Variants in TRPC4 observed in about 807,000 individuals in gnomAD.
TRPC4 encodes transient receptor potential cation channel subfamily C member 4.
Under a neutral mutation model 99.4 loss-of-function variants are expected in TRPC4, and 49 were observed. The observed-to-expected ratio is 0.49, with a 90% CI of 0.39 to 0.63. The LOEUF (loss-of-function observed/expected upper bound fraction) is 0.63. Ranked by LOEUF, TRPC4 falls within the 20% of genes least tolerant of loss-of-function variation. TRPC4 has a pLI of 0.00. For missense variants in TRPC4, 898 were observed against 1,152.9 expected, an observed-to-expected ratio of 0.78 and a Z score of 3.20; for synonymous variants, 454 against 425.9, an observed-to-expected ratio of 1.07 and a Z score of -0.81.
At chr13:37,684,082 A>G (rs1245623682) in intron 4 of TRPC4, among the ~76,000 whole-genome samples, 3 of 152,180 alleles carry the variant, frequency 2.0e-5, no homozygotes, top group African/African-American at 7.2e-5. Flanking sequence ...ATGATTATGA[A>G]ATTTGACTTC....
chr13:37,826,859 G>A (rs1958236980), intron 1 of TRPC4, among the ~76,000 whole-genome samples: 1 of 152,242 alleles, frequency 6.6e-6, no homozygotes, highest in South Asian at 2.1e-4. Flanking sequence ...ATAATATCTT[G>A]CAGAGTGTTT....
At chr13:37,782,454 A>C (rs1956865237) in intron 2 of TRPC4, among the ~76,000 whole-genome samples, 1 of 152,122 alleles carries the variant, frequency 6.6e-6, no homozygotes, top group African/African-American at 2.4e-5. Flanking sequence ...AAAAGAATCT[A>C]CTAGAGTTTG....
chr13:37,796,091 G>A (rs559460981), intron 1 of TRPC4, among the ~76,000 whole-genome samples: 30 of 152,280 alleles, frequency 2.0e-4, no homozygotes, highest in African/African-American at 6.5e-4. Flanking sequence ...AGGAGCAAGA[G>A]TTCTAGCAGA....
At chr13:37,808,679 A>G (rs995973010) in intron 1 of TRPC4, among the ~76,000 whole-genome samples, 3 of 152,042 alleles carry the variant, frequency 2.0e-5, no homozygotes, top group Non-Finnish European at 2.9e-5. Flanking sequence ...CAAGTAAGGG[A>G]AATACAAAGG....
At chr13:37,829,455 A>G (rs972699889) in intron 1 of TRPC4, among the ~76,000 whole-genome samples, 3 of 152,204 alleles carry the variant, frequency 2.0e-5, no homozygotes, top group African/African-American at 7.2e-5. Flanking sequence ...AAACAAAAAC[A>G]AAAAGAAAAC....
intron 4 of TRPC4, among the ~76,000 whole-genome samples, chr13:37,681,160 G>A (rs996774395): frequency 6.6e-6 from 1 of 152,116 alleles, no homozygotes; most frequent in African/African-American, 2.4e-5. Context: ...GTTCTCGTCC[G>A]ATGGGTTAAA....
intron 3 of TRPC4, among the ~76,000 whole-genome samples, chr13:37,726,796 A>T (rs1043974435): frequency 6.6e-6 from 1 of 152,180 alleles, no homozygotes; most frequent in African/African-American, 2.4e-5. Flanking sequence ...AAAGGGAGAA[A>T]GAGTGGCAAT....
chr13:37,639,098 A>G lies in TRPC4; in HGVS notation c.2153T>C (p.Val718Ala), dbSNP rs1349686802. 1 of 1,613,680 alleles carries G rather than the reference A, an allele frequency of 6.2e-7. No individual in the cohort carries two copies. The highest frequency in any genetic ancestry group is 8.5e-7 in the Non-Finnish European group (1 of 1,179,654). The change falls in exon 10 of 11, where the codon GTT (valine) becomes GCT (alanine). Residue 718 changes from valine (V) to alanine (A), a missense_variant. This residue lies in a region of TRPC4 where 346 missense variants were observed against 351.4 expected (regional missense o/e 0.98). Transcript: ENST00000379705. ...EVMRNLVKRY[V>A]AAMIRDAKTE... ...TTTAGCATCTCTAATCATTGCAGCA[A>G]CGTATCGCTTCACCAGGTTCCTCAT...
At chr13:37,857,522 T>C (rs546322944) in intron 1 of TRPC4, among the ~76,000 whole-genome samples, 2 of 151,668 alleles carry the variant, frequency 1.3e-5, no homozygotes, top group Non-Finnish European at 3.0e-5. Flanking sequence ...AATTATACTA[T>C]AATGCTATAG....
chr13:37,859,812 G>A (rs1959215760), intron 1 of TRPC4, among the ~76,000 whole-genome samples: 2 of 151,238 alleles, frequency 1.3e-5, no homozygotes, highest in Admixed American at 6.6e-5. Context: ...TGATATCTGT[G>A]ATTATAAAAA....
intron 3 of TRPC4, among the ~76,000 whole-genome samples, chr13:37,744,702 A>G (rs1757017515): frequency 1.3e-5 from 2 of 152,194 alleles, no homozygotes; most frequent in Admixed American, 1.3e-4. Context: ...TTTACAATTC[A>G]GAAGTCTTTC....
intron 2 of TRPC4, among the ~76,000 whole-genome samples, chr13:37,779,609 T>G (rs66498952): frequency 0.066 from 10,039 of 151,978 alleles, 396 homozygotes; most frequent in Non-Finnish European, 0.091. Context: ...ATGTATAAGG[T>G]CAAAAAGAAA....
At chr13:37,788,567 G>A (rs188553177) in intron 1 of TRPC4, among the ~76,000 whole-genome samples, 84 of 150,872 alleles carry the variant, frequency 5.6e-4, no homozygotes, top group African/African-American at 1.7e-3. Context: ...CTCCCTGCCA[G>A]TCTTCCCTAA....
At chr13:37,654,943 A>G in intron 7 of TRPC4, 145 bp downstream of exon 7, 1 of 614,622 alleles carries the variant, frequency 1.6e-6, no homozygotes, top group Non-Finnish European at 2.5e-6. Flanking sequence ...CTGCTCAGAA[A>G]TTTCAAATTA....
chr13:37,845,215 T>C (rs532010668), intron 1 of TRPC4, among the ~76,000 whole-genome samples: 1 of 152,178 alleles, frequency 6.6e-6, no homozygotes, highest in South Asian at 2.1e-4. Context: ...TCTCCTCAAA[T>C]GTGGAGGCAT....
intron 3 of TRPC4, among the ~76,000 whole-genome samples, chr13:37,718,106 G>A (rs943459526): frequency 6.6e-6 from 1 of 151,970 alleles, no homozygotes; most frequent in Non-Finnish European, 1.5e-5. Flanking sequence ...AACCACAACT[G>A]CTAGAAAATG....
chr13:37,722,164 A>C (rs577764449), intron 3 of TRPC4, among the ~76,000 whole-genome samples: 1 of 152,198 alleles, frequency 6.6e-6, no homozygotes, highest in Non-Finnish European at 1.5e-5. Context: ...ACACAGTAGT[A>C]ACTCTCAGAT....
chr13:37,864,058 A>T (rs1182023235), intron 1 of TRPC4, among the ~76,000 whole-genome samples: 1 of 151,462 alleles, frequency 6.6e-6, no homozygotes, highest in African/African-American at 2.4e-5. Context: ...ATTTGTAAAA[A>T]CTCTATTGTC....
intron 1 of TRPC4, among the ~76,000 whole-genome samples, chr13:37,784,461 A>C (rs1255026872): frequency 6.6e-6 from 1 of 152,090 alleles, no homozygotes; most frequent in Non-Finnish European, 1.5e-5. Flanking sequence ...TCATAGAAAA[A>C]AAGTATTACA....
Sources: allele counts gnomAD v4.1 joint callset (sites outside exome capture counted in the v4.1 genomes callset), GRCh38; gene constraint gnomAD v4.1.1; regional missense constraint gnomAD v4.1.1; transcripts MANE v1.5; gene names NCBI Gene and HGNC (gene_info 2026-07-23, HGNC 2026-07-21).